MACROD2: variants seen among roughly 807,000 people sequenced by gnomAD.
MACROD2 encodes the protein mono-ADP ribosylhydrolase 2, also known as ADP-ribose glycohydrolase MACROD2.
In MACROD2, 36 loss-of-function variants were observed where a neutral mutation model predicts 70.4. The ratio of observed to expected loss-of-function variants is 0.51; its 90% CI spans 0.39 to 0.68. MACROD2 has a LOEUF of 0.68. Ranked by LOEUF, MACROD2 falls within the 30% of genes least tolerant of loss-of-function variation. The pLI, the probability that MACROD2 is intolerant of heterozygous loss-of-function variation, is 0.00. For synonymous variants in MACROD2, 172 were observed against 178.8 expected, an observed-to-expected ratio of 0.96 and a Z score of 0.30; for missense variants, 496 against 538.4, an observed-to-expected ratio of 0.92 and a Z score of 0.78.
intron 5 of MACROD2, among the ~76,000 whole-genome samples, chr20:14,890,984 T>G: frequency 1.3e-5 from 1 of 77,212 alleles, no homozygotes; most frequent in Non-Finnish European, 3.0e-5. Flanking sequence ...CCTTCCTTCC[T>G]TCCTTCCTCC....
At chr20:14,050,117 C>A (rs1036697517) in intron 2 of MACROD2, among the ~76,000 whole-genome samples, 1 of 151,762 alleles carries the variant, frequency 6.6e-6, no homozygotes, top group Non-Finnish European at 1.5e-5. Flanking sequence ...TCCAAACTGC[C>A]TGTAGTAGCT....
intron 10 of MACROD2, among the ~76,000 whole-genome samples, chr20:15,887,592 C>T (rs1004990674): frequency 6.6e-6 from 1 of 152,100 alleles, no homozygotes; most frequent in African/African-American, 2.4e-5. Context: ...TGGAGCAGAC[C>T]TCAACCAATA....
At chr20:15,451,771 G>T (rs948726536) in intron 7 of MACROD2, among the ~76,000 whole-genome samples, 4 of 152,100 alleles carry the variant, frequency 2.6e-5, no homozygotes, top group Non-Finnish European at 5.9e-5. Context: ...GCTGTGGTTT[G>T]CCTGTCACTA....
chr20:15,563,839 C>CA (rs1231956389), intron 8 of MACROD2, among the ~76,000 whole-genome samples: 1 of 152,176 alleles, frequency 6.6e-6, no homozygotes, highest in African/African-American at 2.4e-5. Context: ...TCAATGAAAG[C>CA]AGGGTAAGGA....
In MACROD2 at chr20:14,347,179, G is replaced by C. The variant is rs536914118; in HGVS notation, c.272-146300G>C. ...AGAGGTGCTAAGATAGCAACAGCAT[G>C]TTAATTTGAGGTGAAAAGTGTCCTA... On this transcript the variant is annotated intron_variant, in intron 3 of 17. Coordinates refer to ENST00000684519, the MANE Select transcript of MACROD2 (RefSeq NM_001351661.2). Among the ~76,000 whole-genome samples the C allele has an allele frequency of 3.9e-5, 6 of 152,304 alleles. No homozygotes were observed. The South Asian group carries it at 1.0e-3, about 26-fold the overall frequency.
At chr20:14,208,133 T>TC (rs1340680107) in intron 3 of MACROD2, among the ~76,000 whole-genome samples, 2 of 152,162 alleles carry the variant, frequency 1.3e-5, no homozygotes, top group Non-Finnish European at 2.9e-5. Context: ...ATGATGTTGA[T>TC]CCTGGATGTA....
chr20:15,973,487 A>G (rs1010146571), intron 13 of MACROD2, among the ~76,000 whole-genome samples: 2 of 152,194 alleles, frequency 1.3e-5, no homozygotes, highest in African/African-American at 4.8e-5. Flanking sequence ...TTAAATAATA[A>G]TAAAATTAAA....
chr20:14,203,597 G>C (rs145247286), intron 3 of MACROD2, among the ~76,000 whole-genome samples: 1 of 152,258 alleles, frequency 6.6e-6, no homozygotes, highest in Non-Finnish European at 1.5e-5. Flanking sequence ...GGGTGCTTTG[G>C]TTTTGATTCT....
intron 9 of MACROD2, among the ~76,000 whole-genome samples, chr20:15,882,496 G>T (rs773085554): frequency 7.9e-5 from 12 of 152,032 alleles, no homozygotes; most frequent in Non-Finnish European, 1.5e-4. Flanking sequence ...GAGATTTCAG[G>T]CAGAGGATGG....
chr20:14,923,798 G>T (rs868411912), intron 5 of MACROD2, among the ~76,000 whole-genome samples: 2,145 of 138,770 alleles, frequency 0.015, 51 homozygotes, highest in African/African-American at 0.053. Flanking sequence ...TTGGGGGAGG[G>T]GGGGGCGGCG....
chr20:14,144,055 G>C (rs1413431317), intron 3 of MACROD2, among the ~76,000 whole-genome samples: 1 of 151,594 alleles, frequency 6.6e-6, no homozygotes, highest in African/African-American at 2.4e-5. Context: ...GGAGATTTTA[G>C]GGAGAAAAAC....
intron 5 of MACROD2, among the ~76,000 whole-genome samples, chr20:14,712,874 C>T (rs2071354262): frequency 6.6e-6 from 1 of 152,006 alleles, no homozygotes; most frequent in South Asian, 2.1e-4. Flanking sequence ...AAGTTCTTAC[C>T]CTTCCTGTTT....
At chr20:15,979,212 G>T (rs920360231) in intron 13 of MACROD2, among the ~76,000 whole-genome samples, 1 of 152,170 alleles carries the variant, frequency 6.6e-6, no homozygotes, top group Non-Finnish European at 1.5e-5. Flanking sequence ...AACAACAAAG[G>T]CTGGTTGTGT....
rs188607333 is a variant in MACROD2 at position 15,426,076 on chromosome 20, G to A, written c.541-5329G>A. Among the ~76,000 whole-genome samples the A allele has an allele frequency of 3.0e-3, 463 of 152,176 alleles. 4 individuals carry two copies. Among genetic ancestry groups the A allele is most frequent in the African/African-American group, 0.01 (432 of 41,512 alleles). ...TCAGTGCTTTTCACTGCGGAAGGCC[G>A]CAGGGTCCTCTGCCTAGGAAAACCA... On this transcript the variant is annotated intron_variant, in intron 6 of 17. Coordinates refer to ENST00000684519, the MANE Select transcript of MACROD2 (RefSeq NM_001351661.2).
intron 6 of MACROD2, among the ~76,000 whole-genome samples, chr20:15,243,746 T>G (rs1457855987): frequency 2.0e-5 from 3 of 149,760 alleles, no homozygotes; most frequent in Admixed American, 1.3e-4. Flanking sequence ...AAACCCTGTC[T>G]CTACTAAAAA....
Position 15,572,982 on chromosome 20 carries a change from A to G in MACROD2, c.645+73135A>G, listed in dbSNP as rs903607053. 5.3e-5 allele frequency among the ~76,000 whole-genome samples: 8 copies of G among 152,304 alleles called. No individual in the cohort carries two copies. In the East Asian group the frequency reaches 1.5e-3, roughly 29 times the overall value. On this transcript the variant is annotated intron_variant, in intron 8 of 17. Coordinates refer to ENST00000684519, the MANE Select transcript of MACROD2 (RefSeq NM_001351661.2). ...CCAATAATATTTGTATTACCAATAAATTGAAAAGTGCCAGAATGAAAACCA... is the reference window on the plus strand; with the variant it reads ...CCAATAATATTTGTATTACCAATAAGTTGAAAAGTGCCAGAATGAAAACCA...
At chr20:14,691,292 A>G (rs961385483) in intron 5 of MACROD2, among the ~76,000 whole-genome samples, 3 of 152,202 alleles carry the variant, frequency 2.0e-5, no homozygotes, top group Non-Finnish European at 2.9e-5. Context: ...ATGAATTACT[A>G]CTTATTCAGA....
chr20:14,386,577 T>C (rs2083469929), intron 3 of MACROD2, among the ~76,000 whole-genome samples: 1 of 152,178 alleles, frequency 6.6e-6, no homozygotes, highest in Admixed American at 6.5e-5. Flanking sequence ...TTTAAAAGTA[T>C]GTGGCACCTC....
chr20:15,709,165 C>T (rs145534070), intron 8 of MACROD2, among the ~76,000 whole-genome samples: 2 of 152,194 alleles, frequency 1.3e-5, no homozygotes, highest in African/African-American at 4.8e-5. Flanking sequence ...GGGAGGCTGG[C>T]TTTCCATGCA....
Sources: allele counts gnomAD v4.1 joint callset (sites outside exome capture counted in the v4.1 genomes callset), GRCh38; gene constraint gnomAD v4.1.1; transcripts MANE v1.5; gene names NCBI Gene and HGNC (gene_info 2026-07-23, HGNC 2026-07-21).